CFAP299: variants seen among roughly 807,000 people sequenced by gnomAD.
CFAP299 encodes the protein cilia and flagella associated protein 299.
CFAP299 carries 21 observed loss-of-function variants against 27.0 expected under a neutral mutation model. The ratio of observed to expected loss-of-function variants is 0.78; its 90% CI spans 0.55 to 1.12. The LOEUF (loss-of-function observed/expected upper bound fraction) is 1.12, where lower values mean the gene tolerates loss of function less well. Ranked by LOEUF, CFAP299 falls within the 50% of genes most tolerant of loss-of-function variation. CFAP299 has a pLI of 0.00. For synonymous variants in CFAP299, 104 were observed against 98.1 expected (o/e 1.06, Z -0.36); for missense variants, 310 against 276.6 (o/e 1.12, Z -0.86).
intron 4 of CFAP299, among the ~76,000 whole-genome samples, chr4:80,942,878 T>C (rs900465899): frequency 1.3e-5 from 2 of 152,206 alleles, no homozygotes; most frequent in Non-Finnish European, 2.9e-5. Flanking sequence ...GTCAGTAATA[T>C]GGATATCAAA....
intron 3 of CFAP299, among the ~76,000 whole-genome samples, chr4:80,835,395 C>T (rs538799260): frequency 6.6e-6 from 1 of 151,698 alleles, no homozygotes; most frequent in South Asian, 2.1e-4. Context: ...ACCTGGGGAT[C>T]TTGTTAAAAT....
intron 3 of CFAP299, among the ~76,000 whole-genome samples, chr4:80,868,155 C>A (rs1447719695): frequency 6.6e-6 from 1 of 152,062 alleles, no homozygotes; most frequent in African/African-American, 2.4e-5. Flanking sequence ...ACATATTATT[C>A]TTTTTATTTA....
intron 2 of CFAP299, chr4:80,386,707 G>C (rs1308761965): frequency 1.3e-6 from 2 of 1,573,750 alleles, no homozygotes; most frequent in Non-Finnish European, 1.7e-6. Context: ...TGCACAGGGC[G>C]CATTTGTGGA....
chr4:80,799,077 A>G lies in CFAP299; in HGVS notation c.334-70916A>G, dbSNP rs554455902. Among the ~76,000 whole-genome samples, 12 of 144,446 alleles carry G rather than the reference A, an allele frequency of 8.3e-5. No individual in the cohort carries two copies. In the South Asian group the frequency reaches 2.5e-3, roughly 30 times the overall value. 94.8% of individuals were successfully genotyped at this position (144,446 alleles called of 152,430 possible). The stretch of plus-strand genomic sequence containing the variant: ...AGTCAGGGGTTCTGTAAAGGAACAG[A>G]ACTAATAGTGTGTGTGAGTTTATAT... On this transcript the variant is annotated intron_variant, in intron 3 of 5. Coordinates refer to ENST00000358105, the MANE Select transcript of CFAP299 (RefSeq NM_152770.3).
At chr4:80,887,544 A>G (rs977605289) in intron 4 of CFAP299, among the ~76,000 whole-genome samples, 3 of 152,210 alleles carry the variant, frequency 2.0e-5, no homozygotes, top group African/African-American at 7.2e-5. Flanking sequence ...CTGAGGGATT[A>G]CATCAACACA....
chr4:80,848,225 T>A (rs1043956626), intron 3 of CFAP299, among the ~76,000 whole-genome samples: 3 of 151,276 alleles, frequency 2.0e-5, no homozygotes, highest in Admixed American at 6.6e-5. Context: ...AAAAAAGGGA[T>A]ACAAAGTTTG....
chr4:80,374,601 A>AGCTG (rs1724314006), intron 2 of CFAP299, among the ~76,000 whole-genome samples: 1 of 152,140 alleles, frequency 6.6e-6, no homozygotes, highest in Admixed American at 6.5e-5. Context: ...ATGTGTCAGG[A>AGCTG]GCTGCGATTT....
chr4:80,421,495 A>C (rs1727282927), intron 2 of CFAP299, among the ~76,000 whole-genome samples: 2 of 152,244 alleles, frequency 1.3e-5, no homozygotes, highest in South Asian at 4.1e-4. Flanking sequence ...ATTTAGAATT[A>C]TTTAGAATAA....
chr4:80,683,950 C>T (rs185379528), intron 3 of CFAP299, among the ~76,000 whole-genome samples: 15 of 152,200 alleles, frequency 9.9e-5, no homozygotes, highest in African/African-American at 3.4e-4. Flanking sequence ...CTTCTAATAT[C>T]TTATTATTTG....
At chr4:80,609,417 A>G (rs528491298) in intron 3 of CFAP299, among the ~76,000 whole-genome samples, 1 of 152,200 alleles carries the variant, frequency 6.6e-6, no homozygotes, top group African/African-American at 2.4e-5. Flanking sequence ...GCTATTTGGT[A>G]GAAGAAGGAT....
At chr4:80,894,085 C>T (rs925354194) in intron 4 of CFAP299, among the ~76,000 whole-genome samples, 4 of 151,684 alleles carry the variant, frequency 2.6e-5, no homozygotes, top group East Asian at 1.9e-4. Context: ...CAAAAGAAGA[C>T]GTACATATGG....
chr4:80,412,849 A>G (rs1441950845), intron 2 of CFAP299, among the ~76,000 whole-genome samples: 1 of 152,174 alleles, frequency 6.6e-6, no homozygotes, highest in Admixed American at 6.5e-5. Context: ...AGGGATGGCA[A>G]TTATCTTCCT....
At chr4:80,368,580 A>G (rs1012045294) in intron 2 of CFAP299, among the ~76,000 whole-genome samples, 1 of 152,140 alleles carries the variant, frequency 6.6e-6, no homozygotes, top group East Asian at 1.9e-4. Flanking sequence ...CCTGAGCCCA[A>G]GAGTTCAAGA....
chr4:80,648,575 C>A (rs902010036), intron 3 of CFAP299, among the ~76,000 whole-genome samples: 3 of 152,016 alleles, frequency 2.0e-5, no homozygotes, highest in Middle Eastern at 3.2e-3. Flanking sequence ...GAAATAAAGA[C>A]AAGGTGTTAA....
chr4:80,417,708 G>A (rs1456619573), intron 2 of CFAP299, among the ~76,000 whole-genome samples: 1 of 152,076 alleles, frequency 6.6e-6, no homozygotes, highest in South Asian at 2.1e-4. Flanking sequence ...TGTGATTTGG[G>A]TAGGTTTTGA....
chr4:80,931,955 C>G (rs1736647332), intron 4 of CFAP299, among the ~76,000 whole-genome samples: 1 of 152,164 alleles, frequency 6.6e-6, no homozygotes, highest in African/African-American at 2.4e-5. Flanking sequence ...TTATTCCTTG[C>G]CTTCCCTCTC....
intron 3 of CFAP299, among the ~76,000 whole-genome samples, chr4:80,652,233 T>A (rs1285983485): frequency 6.6e-6 from 1 of 152,114 alleles, no homozygotes; most frequent in East Asian, 1.9e-4. Context: ...GTAGAGTCTC[T>A]GCATGTGGTA....
intron 2 of CFAP299, among the ~76,000 whole-genome samples, chr4:80,473,232 C>T: frequency 6.6e-6 from 1 of 151,996 alleles, no homozygotes; most frequent in Non-Finnish European, 1.5e-5. Context: ...AAGCTGAGAC[C>T]TTACAGATGA....
Position 80,446,020 on chromosome 4 carries a change from T to C in CFAP299, c.242+83136T>C, listed in dbSNP as rs538080764. The stretch of plus-strand genomic sequence containing the variant: ...AAATGGTGTCTCTCCCTTTGATATT[T>C]ATGCTGCGTGCTGGAGTGGCCAGGA... On this transcript the variant is annotated intron_variant, in intron 2 of 5. Coordinates refer to ENST00000358105, the MANE Select transcript of CFAP299 (RefSeq NM_152770.3). Among the ~76,000 whole-genome samples, 3 of 152,320 alleles carry C rather than the reference T, an allele frequency of 2.0e-5. No individual in the cohort carries two copies. In the South Asian group the frequency reaches 6.2e-4, roughly 32 times the overall value.
Sources: allele counts gnomAD v4.1 joint callset (sites outside exome capture counted in the v4.1 genomes callset), GRCh38; gene constraint gnomAD v4.1.1; transcripts MANE v1.5; gene names NCBI Gene and HGNC (gene_info 2026-07-23, HGNC 2026-07-21).